The following CCDC91 variants were observed in gnomAD, a reference collection of about 807,000 sequenced individuals.
The protein encoded by CCDC91 is coiled-coil domain-containing protein 91.
In CCDC91, 48 loss-of-function variants were observed where a neutral mutation model predicts 63.2. The observed-to-expected ratio is 0.76, with a 90% CI of 0.60 to 0.97. The LOEUF (loss-of-function observed/expected upper bound fraction) is 0.97, where lower values mean the gene tolerates loss of function less well. Among genes scored for constraint, CCDC91 ranks in the 50% least tolerant of loss-of-function variants. CCDC91 has a pLI of 0.00. For missense variants in CCDC91, 500 were observed against 494.6 expected (o/e 1.01, Z -0.10); for synonymous variants, 167 against 165.8 (o/e 1.01, Z -0.06).
intron 9 of CCDC91, 33 bp from the exon 10 acceptor site, chr12:28,450,317 T>C (rs759767228): frequency 6.3e-7 from 1 of 1,593,322 alleles, no homozygotes; most frequent in Non-Finnish European, 8.6e-7. Flanking sequence ...ATAATACATT[T>C]AATGTCTTTC....
intron 8 of CCDC91, among the ~76,000 whole-genome samples, chr12:28,410,768 C>T (rs60027568): frequency 1.1e-4 from 16 of 152,206 alleles, no homozygotes; most frequent in African/African-American, 1.7e-4. Flanking sequence ...GTAATCCGCC[C>T]GCCTCAGCCT....
At chr12:28,468,890 C>T (rs1215975695) in intron 11 of CCDC91, among the ~76,000 whole-genome samples, 5 of 151,994 alleles carry the variant, frequency 3.3e-5, no homozygotes, top group Admixed American at 3.3e-4. Flanking sequence ...TTCACCATTT[C>T]TTCATGATAA....
At chr12:28,347,938 G>C (rs1942925951) in intron 6 of CCDC91, among the ~76,000 whole-genome samples, 1 of 152,192 alleles carries the variant, frequency 6.6e-6, no homozygotes, top group Non-Finnish European at 1.5e-5. Flanking sequence ...TATGTTAAGT[G>C]TGAGCACACA....
At chr12:28,242,870 G>A (rs1248268114) in intron 1 of CCDC91, among the ~76,000 whole-genome samples, 7 of 152,068 alleles carry the variant, frequency 4.6e-5, no homozygotes, top group Admixed American at 4.6e-4. Context: ...CTGAGATCTG[G>A]TTTAAAAGTG....
intron 1 of CCDC91, among the ~76,000 whole-genome samples, chr12:28,199,595 C>T (rs1942053282): frequency 6.6e-6 from 1 of 152,130 alleles, no homozygotes; most frequent in Non-Finnish European, 1.5e-5. Flanking sequence ...TCAGTTCAGC[C>T]TGAGAGACCC....
chr12:28,291,825 G>T (rs2136806509), intron 3 of CCDC91, among the ~76,000 whole-genome samples: 1 of 152,216 alleles, frequency 6.6e-6, no homozygotes, highest in Middle Eastern at 3.4e-3. Flanking sequence ...AATGACTGTA[G>T]AATGGTCAAC....
chr12:28,286,518 A>G (rs766485740), intron 3 of CCDC91, among the ~76,000 whole-genome samples: 1 of 152,186 alleles, frequency 6.6e-6, no homozygotes, highest in Non-Finnish European at 1.5e-5. Context: ...AGCTCCATCC[A>G]TGTTCCTGCA....
At chr12:28,383,800 A>T in intron 7 of CCDC91, among the ~76,000 whole-genome samples, 1 of 152,294 alleles carries the variant, frequency 6.6e-6, no homozygotes, top group African/African-American at 2.4e-5. Flanking sequence ...ACGTCTAAAT[A>T]CTGTTTTCAG....
intron 12 of CCDC91, among the ~76,000 whole-genome samples, chr12:28,485,212 G>C (rs1398146548): frequency 1.3e-5 from 2 of 151,382 alleles, no homozygotes; most frequent in Non-Finnish European, 2.9e-5. Flanking sequence ...AGGCTGGAGT[G>C]CAGTGGCGCG....
intron 12 of CCDC91, among the ~76,000 whole-genome samples, chr12:28,529,833 A>T: frequency 6.6e-6 from 1 of 152,050 alleles, no homozygotes; most frequent in Non-Finnish European, 1.5e-5. Context: ...CTTTTTTTCA[A>T]ACTGGCTTTT....
At chr12:28,445,545 C>G (rs531453869) in intron 8 of CCDC91, among the ~76,000 whole-genome samples, 1 of 152,310 alleles carries the variant, frequency 6.6e-6, no homozygotes, top group South Asian at 2.1e-4. Context: ...AATACAAGCA[C>G]TAGGTGCTGT....
chr12:28,507,618 C>T (rs966113787), intron 12 of CCDC91, among the ~76,000 whole-genome samples: 6 of 151,976 alleles, frequency 3.9e-5, no homozygotes, highest in African/African-American at 7.2e-5. Context: ...TTGGAGAAAA[C>T]ACTGTTTACC....
At chr12:28,321,790 A>G (rs1174785400) in intron 6 of CCDC91, among the ~76,000 whole-genome samples, 3 of 151,836 alleles carry the variant, frequency 2.0e-5, no homozygotes, top group Non-Finnish European at 2.9e-5. Flanking sequence ...TACCTAGTCT[A>G]TGTTATTTTG....
At chr12:28,309,053 C>T (rs1313346941) in intron 6 of CCDC91, among the ~76,000 whole-genome samples, 3 of 151,898 alleles carry the variant, frequency 2.0e-5, no homozygotes, top group Non-Finnish European at 4.4e-5. Flanking sequence ...TGTGAGTATG[C>T]GTGGGGAAGG....
At chr12:28,299,473 C>G (rs1349418508) in intron 3 of CCDC91, among the ~76,000 whole-genome samples, 1 of 151,534 alleles carries the variant, frequency 6.6e-6, no homozygotes, top group Non-Finnish European at 1.5e-5. Flanking sequence ...TATTCATTTG[C>G]AAGTTCATTT....
At chr12:28,443,029 G>A (rs933647091) in intron 8 of CCDC91, among the ~76,000 whole-genome samples, 14 of 151,824 alleles carry the variant, frequency 9.2e-5, no homozygotes, top group African/African-American at 3.4e-4. Flanking sequence ...ATGTTATGAC[G>A]GCTCACAGCT....
intron 10 of CCDC91, among the ~76,000 whole-genome samples, chr12:28,452,021 T>C (rs1228824662): frequency 6.9e-6 from 1 of 144,462 alleles, no homozygotes; most frequent in Non-Finnish European, 1.5e-5. Context: ...AGCATTTTCC[T>C]TTTTTAATTT....
intron 1 of CCDC91, among the ~76,000 whole-genome samples, chr12:28,252,188 A>G (rs183416350): frequency 7.9e-5 from 12 of 151,784 alleles, no homozygotes; most frequent in Admixed American, 1.3e-4. Context: ...AATGAAGCCT[A>G]TTTTCTCTCT....
At chr12:28,292,331 C>A (rs1358324551) in intron 3 of CCDC91, among the ~76,000 whole-genome samples, 1 of 152,148 alleles carries the variant, frequency 6.6e-6, no homozygotes, top group Non-Finnish European at 1.5e-5. Context: ...TTTATTTCAC[C>A]CTTATGGCTG....
Sources: gnomAD v4.1 joint callset for allele counts (sites outside exome capture counted in the v4.1 genomes callset) on GRCh38, gnomAD v4.1.1 for gene constraint, MANE v1.5 for transcripts, NCBI Gene and HGNC (gene_info 2026-07-23, HGNC 2026-07-21) for gene names.